The following SLC25A3 variants were observed in gnomAD, a reference collection of about 807,000 sequenced individuals.
The protein encoded by SLC25A3 is phosphate transport protein.
Under a neutral mutation model 37.1 loss-of-function variants are expected in SLC25A3, and 14 were observed. The observed-to-expected ratio is 0.38, with a 90% CI of 0.25 to 0.59. The LOEUF is 0.59. Ranked by LOEUF, SLC25A3 falls within the 20% of genes least tolerant of loss-of-function variation. The pLI is 0.67. For missense variants in SLC25A3, 385 were observed against 458.1 expected, an observed-to-expected ratio of 0.84 and a Z score of 1.46; for synonymous variants, 161 against 168.7, an observed-to-expected ratio of 0.95 and a Z score of 0.36.
chr12:98,597,529 T>G (rs1005066360), intron 3 of SLC25A3: 5 of 313,472 alleles, frequency 1.6e-5, no homozygotes, highest in African/African-American at 1.1e-4. Flanking sequence ...GCGATTGTTC[T>G]GTCTCACCCT....
chr12:98,600,385 C>T (rs1242365332), intron 6 of SLC25A3, among the ~76,000 whole-genome samples: 1 of 151,770 alleles, frequency 6.6e-6, no homozygotes, highest in Non-Finnish European at 1.5e-5. Context: ...CGGGCATGCA[C>T]CGCCATGCCC....
intron 2 of SLC25A3, chr12:98,594,424 C>A: frequency 1.4e-6 from 1 of 691,640 alleles, no homozygotes; most frequent in Non-Finnish European, 2.6e-6. Flanking sequence ...GCCGTGAGCT[C>A]GCTTGGTCAG....
chr12:98,597,302 T>A (rs916253376), intron 3 of SLC25A3, among the ~76,000 whole-genome samples: 1 of 152,178 alleles, frequency 6.6e-6, no homozygotes, highest in African/African-American at 2.4e-5. Context: ...TAATAAAAGT[T>A]ATATGAATGT....
In SLC25A3 at chr12:98,601,945, A is replaced by T. The variant is rs1178448309; in HGVS notation, c.*417A>T. On this transcript the variant is annotated 3_prime_UTR_variant, in exon 8 of 8. Transcript: ENST00000552981. ...TAAAAACTTGATTTAATTATAGTTAAATATGTGTAGTCATTTGTGGTTATT... is the reference window on the plus strand; with the variant it reads ...TAAAAACTTGATTTAATTATAGTTATATATGTGTAGTCATTTGTGGTTATT... 5 of 220,784 alleles carry T rather than the reference A, an allele frequency of 2.3e-5. No homozygotes were observed. The highest frequency in any genetic ancestry group is 4.6e-5 in the Non-Finnish European group (5 of 109,574). 13.7% of individuals were successfully genotyped at this position (220,784 alleles called of 1,614,324 possible).
Position 98,603,288 on chromosome 12 carries a change from T to C in SLC25A3, c.*1760T>C, listed in dbSNP as rs1350373918. Reference sequence around the variant, plus strand: ...TTTGTGCTTTTCACTATTAGTGGTATAGTCTTTCCCGAAAATCTCTAGCAT... The same window carrying C: ...TTTGTGCTTTTCACTATTAGTGGTACAGTCTTTCCCGAAAATCTCTAGCAT... On this transcript the variant is annotated 3_prime_UTR_variant, in exon 8 of 8. Transcript: ENST00000552981. 1 of 152,246 alleles carries C rather than the reference T, an allele frequency of 6.6e-6. No individual in the cohort carries two copies. Among genetic ancestry groups the C allele is most frequent in the East Asian group, 1.9e-4 (1 of 5,204 alleles). The allele number at this position is 152,246 out of a possible 1,614,324, so 9.4% of individuals were successfully genotyped here.
At chr12:98,594,984 G>A in intron 2 of SLC25A3, 1 of 198,430 alleles carries the variant, frequency 5.0e-6, no homozygotes, top group South Asian at 8.4e-5. Flanking sequence ...GTATTTGACT[G>A]CAGGAATTTG....
intron 1 of SLC25A3, 93 bp downstream of exon 1, chr12:98,593,833 G>C (rs1043693616): frequency 5.5e-6 from 5 of 902,622 alleles, no homozygotes; most frequent in Non-Finnish European, 8.8e-6. Context: ...GCCCAGCCGG[G>C]AGCAGCCTCT....
chr12:98,600,358 C>T lies in SLC25A3; in HGVS notation c.814+231C>T, dbSNP rs991696292. On this transcript the variant is annotated intron_variant, in intron 6 of 7. Transcript: ENST00000552981. ...GTTCAAGTGATTCTTCTGCCGCAGCCTCCCAAGTAGCTGGGACGGGCATGC... is the reference window on the plus strand; with the variant it reads ...GTTCAAGTGATTCTTCTGCCGCAGCTTCCCAAGTAGCTGGGACGGGCATGC... 2.6e-5 allele frequency among the ~76,000 whole-genome samples: 4 copies of T among 152,044 alleles called. No individual in the cohort carries two copies. In the South Asian group the frequency reaches 6.2e-4, roughly 24 times the overall value.
rs759578766 is a variant in SLC25A3 at position 98,601,486 on chromosome 12, G to T, written c.1044G>T (p.Glu348Asp). The change falls in exon 8 of 8, where the codon GAG becomes GAT. Residue 348 changes from glutamate to aspartate, a missense_variant. By Grantham distance (45) the Glu-to-Asp change is conservative (BLOSUM62 2). Transcript: ENST00000552981. Reference protein sequence around the residue: ...YFRLPRPPPPEMPESLKKKLG... With the variant: ...YFRLPRPPPPDMPESLKKKLG... ...GACTTCCTCGCCCTCCTCCACCCGA[G>T]ATGCCAGAGTCTCTGAAGAAGAAGC... 1 of 1,614,108 alleles carries T rather than the reference G, an allele frequency of 6.2e-7. No homozygotes were observed. Among genetic ancestry groups the T allele is most frequent in the Non-Finnish European group, 8.5e-7 (1 of 1,179,982 alleles).
rs1005159513 is a variant in SLC25A3 at position 98,597,722 on chromosome 12, CA to C, written c.280-133del. On this transcript the variant is annotated intron_variant, in intron 3 of 7. Coordinates refer to ENST00000552981, the MANE Select transcript of SLC25A3 (RefSeq NM_002635.4). Reference sequence around the variant, plus strand: ...TACAGATGTGAGCCACCGTGCCTGGCAGGAATTACTGTAGTTACCTTTTGTG... The same window carrying C: ...TACAGATGTGAGCCACCGTGCCTGGCGGAATTACTGTAGTTACCTTTTGTG... 1,248 of 1,284,050 alleles carry C rather than the reference CA, an allele frequency of 9.7e-4. 11 individuals carry two copies. In the African/African-American group the frequency reaches 0.017, roughly 17 times the overall value. 79.5% of individuals were successfully genotyped at this position (1,284,050 alleles called of 1,614,324 possible).
In SLC25A3 at chr12:98,601,600, T is replaced by C. The variant is rs1406672910; in HGVS notation, c.*72T>C. On this transcript the variant is annotated 3_prime_UTR_variant, in exon 8 of 8. Coordinates refer to ENST00000552981, the MANE Select transcript of SLC25A3 (RefSeq NM_002635.4). The stretch of plus-strand genomic sequence containing the variant: ...GAAGAAAGTGCAAAAGGAACTTTTA[T>C]ATATTTGACAGTGTAGGAAATTGTC... 2.0e-6 allele frequency: 2 copies of C among 985,954 alleles called. No individual in the cohort carries two copies. Among genetic ancestry groups the C allele is most frequent in the East Asian group, 4.8e-5 (2 of 41,582 alleles). 61.1% of individuals were successfully genotyped at this position (985,954 alleles called of 1,614,324 possible).
In SLC25A3 at chr12:98,600,124, A is replaced by T; in HGVS notation, c.811A>T (p.Ile271Leu). The T allele has an allele frequency of 2.5e-6, 4 of 1,575,118 alleles. No homozygotes were observed. Among genetic ancestry groups the T allele is most frequent in the Non-Finnish European group, 2.6e-6 (3 of 1,144,162 alleles). The stretch of plus-strand genomic sequence containing the variant: ...GGTTGTAACATTTGTAGCAGGTTAC[A>T]TAGGTACGAATTACTTAGAACACAC... ...QLVVTFVAGY[I>L]AGVFCAIVSH... The change falls in exon 6 of 8, where the codon ATA (isoleucine) becomes TTA (leucine). Residue 271 changes from isoleucine (I) to leucine (L), a missense_variant. Around this residue, in one of 2 missense-constraint regions of SLC25A3, gnomAD observed 276 missense variants for 367.6 expected, o/e 0.75. Coordinates refer to ENST00000552981, the MANE Select transcript of SLC25A3 (RefSeq NM_002635.4).
chr12:98,602,319 C>A lies in SLC25A3; in HGVS notation c.*791C>A, dbSNP rs1329796305. On this transcript the variant is annotated 3_prime_UTR_variant, in exon 8 of 8. Transcript: ENST00000552981. ...AGCTGGGATTTCAGGCATGTGCCACCACGCCCAGCTAATTTTGTATTTTTA... is the reference window on the plus strand; with the variant it reads ...AGCTGGGATTTCAGGCATGTGCCACAACGCCCAGCTAATTTTGTATTTTTA... The A allele has an allele frequency of 6.6e-6, 1 of 152,430 alleles. No homozygotes were observed. Among genetic ancestry groups the A allele is most frequent in the Admixed American group, 6.5e-5 (1 of 15,278 alleles). The allele number at this position is 152,430 out of a possible 1,614,324, so 9.4% of individuals were successfully genotyped here. A position where few individuals can be genotyped will look rare whatever the true frequency, so the allele number is the denominator to read the frequency against.
At position 98,595,613 on chromosome 12, in the gene SLC25A3, T is replaced by C. The variant is rs760704463; in HGVS notation, c.158-114T>C. 3.1e-6 allele frequency: 5 copies of C among 1,612,104 alleles called. No individual in the cohort carries two copies. The East Asian group carries it at 8.9e-5, about 29-fold the overall frequency. ...TGAAGCATGACTGACTGTTAAGTTA[T>C]AAGATATAGTCATCTAACAAGCTGT... On this transcript the variant is annotated intron_variant, in intron 2 of 7. Transcript: ENST00000552981.
rs1464999665 is a variant in SLC25A3, at chr12:98,601,954, A to C, written c.*426A>C. The C allele has an allele frequency of 4.8e-6, 1 of 209,510 alleles. No homozygotes were observed. Among genetic ancestry groups the C allele is most frequent in the Non-Finnish European group, 9.7e-6 (1 of 102,716 alleles). The allele number at this position is 209,510 out of a possible 1,614,324, so 13.0% of individuals were successfully genotyped here. ...GATTTAATTATAGTTAAATATGTGT[A>C]GTCATTTGTGGTTATTTTGGCAAGT... On this transcript the variant is annotated 3_prime_UTR_variant, in exon 8 of 8. Coordinates refer to ENST00000552981, the MANE Select transcript of SLC25A3 (RefSeq NM_002635.4).
Position 98,604,263 on chromosome 12 carries a change from A to AAAAAAAAATATAT in SLC25A3, c.*2736_*2737insAAAAAAATATATA, listed in dbSNP as rs1302964992. 7.4e-6 allele frequency: 1 copy of AAAAAAAAATATAT among 134,590 alleles called. No homozygotes were observed. Among genetic ancestry groups the AAAAAAAAATATAT allele is most frequent in the African/African-American group, 2.9e-5 (1 of 34,842 alleles). The allele number at this position is 134,590 out of a possible 1,614,324, so 8.3% of individuals were successfully genotyped here. On this transcript the variant is annotated 3_prime_UTR_variant, in exon 8 of 8. Coordinates refer to ENST00000552981, the MANE Select transcript of SLC25A3 (RefSeq NM_002635.4). ...GCGAAACTCTGTCTCAAAAAAAAAA[A>AAAAAAAAATATAT]ATATATATATATATATATATATATG...
rs1304550047 is a variant in SLC25A3 at position 98,603,892 on chromosome 12, T to G, written c.*2364T>G. The G allele has an allele frequency of 6.6e-6, 1 of 152,182 alleles. No homozygotes were observed. Among genetic ancestry groups the G allele is most frequent in the Non-Finnish European group, 1.5e-5 (1 of 68,038 alleles). 9.4% of individuals were successfully genotyped at this position (152,182 alleles called of 1,614,324 possible). ...AAATTTTAATATGTATGTATTGGTG[T>G]TCTTTTTACATTTCATTTAATGAAA... On this transcript the variant is annotated 3_prime_UTR_variant, in exon 8 of 8. Transcript: ENST00000552981.
chr12:98,600,753 G>C (rs1204634554), intron 6 of SLC25A3, among the ~76,000 whole-genome samples: 1 of 152,136 alleles, frequency 6.6e-6, no homozygotes, highest in Non-Finnish European at 1.5e-5. Flanking sequence ...TGATGAGTCT[G>C]GTCTCAAACT....
At chr12:98,598,388 C>T in intron 4 of SLC25A3, 134 bp from the exon 5 acceptor site, 1 of 1,359,758 alleles carries the variant, frequency 7.4e-7, no homozygotes, top group Non-Finnish European at 1.0e-6. Context: ...GGTTATGAGA[C>T]CACATATATA....
Sources: gnomAD v4.1 joint callset for allele counts (sites outside exome capture counted in the v4.1 genomes callset) on GRCh38, gnomAD v4.1.1 for gene constraint, gnomAD v4.1.1 regional missense constraint, MANE v1.5 for transcripts, NCBI Gene and HGNC (gene_info 2026-07-23, HGNC 2026-07-21) for gene names.